HTR5A: variants seen among roughly 807,000 people sequenced by gnomAD.
HTR5A encodes the protein 5-HT-5.
Under a neutral mutation model 24.3 loss-of-function variants are expected in HTR5A, and 21 were observed. That is an observed-to-expected ratio of 0.86 (90% confidence interval 0.61 to 1.24). HTR5A has a LOEUF of 1.24. Ranked by LOEUF, HTR5A falls within the 50% of genes most tolerant of loss-of-function variation. HTR5A has a pLI of 0.00. For synonymous variants in HTR5A, 260 were observed against 213.7 expected, an observed-to-expected ratio of 1.22 and a Z score of -1.89; for missense variants, 497 against 489.5, an observed-to-expected ratio of 1.02 and a Z score of -0.15.
At position 155,070,368 on chromosome 7, in the gene HTR5A, G is replaced by T; in HGVS notation, c.-532G>T. ...TGCAGCCTCCGAAGGGGTGGCGGGG[G>T]CAACAGGGACAGAAGGCAGGTCCCA... On this transcript the variant is annotated 5_prime_UTR_variant, in exon 1 of 2. Transcript: ENST00000287907. 1 of 455,070 alleles carries T rather than the reference G, an allele frequency of 2.2e-6. No homozygotes were observed. The highest frequency in any genetic ancestry group is 4.4e-6 in the Non-Finnish European group (1 of 226,480). 28.2% of individuals were successfully genotyped at this position (455,070 alleles called of 1,614,324 possible).
rs1795284647 is a variant in HTR5A, at chr7:155,071,007, C to G, written c.108C>G (p.Leu36=). 1.9e-6 allele frequency: 3 copies of G among 1,611,998 alleles called. No individual in the cohort carries two copies. Among genetic ancestry groups the G allele is most frequent in the Non-Finnish European group, 8.5e-7 (1 of 1,180,040 alleles). ...KDDLRPSSPL[L]SVFGVLILTL... is the part of the protein sequence containing the mutation. ...ACCTGCGCCCCAGCTCGCCCCTGCT[C>G]TCGGTCTTCGGAGTGCTTATTCTCA... Residue 36 remains leucine (L), a synonymous_variant, in exon 1 of 2, where the codon CTC becomes CTG. Coordinates refer to ENST00000287907, the MANE Select transcript of HTR5A (RefSeq NM_024012.4).
intron 1 of HTR5A, chr7:155,077,158 C>A (rs915454781): frequency 3.3e-5 from 5 of 152,126 alleles, no homozygotes. Flanking sequence ...GGCATTCTCA[C>A]GTCAGATCAG....
intron 1 of HTR5A, among the ~76,000 whole-genome samples, chr7:155,082,727 T>C (rs1404931534): frequency 6.6e-6 from 1 of 152,182 alleles, no homozygotes; most frequent in African/African-American, 2.4e-5. Flanking sequence ...TTTCCCTCTT[T>C]CCTTTATGCT....
At chr7:155,078,546 C>T (rs1795382343) in intron 1 of HTR5A, among the ~76,000 whole-genome samples, 1 of 152,182 alleles carries the variant, frequency 6.6e-6, no homozygotes, top group African/African-American at 2.4e-5. Flanking sequence ...CTCCCAAGCT[C>T]AAGTAATCCT....
In HTR5A at chr7:155,085,203, G is replaced by C. The variant is rs182390129; in HGVS notation, c.*716G>C. On this transcript the variant is annotated 3_prime_UTR_variant, in exon 2 of 2. Coordinates refer to ENST00000287907, the MANE Select transcript of HTR5A (RefSeq NM_024012.4). ...CGTTGACATGAAACAGGCACTGAGG[G>C]TAACTACTTCCTTTCATTTTGAAGC... 6.6e-6 allele frequency: 1 copy of C among 152,306 alleles called. No individual in the cohort carries two copies. Among genetic ancestry groups the C allele is most frequent in the South Asian group, 2.1e-4 (1 of 4,828 alleles). 9.4% of individuals were successfully genotyped at this position (152,306 alleles called of 1,614,324 possible).
rs202038697 is a variant in HTR5A, at chr7:155,071,314, C to T, written c.415C>T (p.Arg139Cys). The change falls in exon 1 of 2, where the codon CGC becomes TGC. Residue 139 changes from arginine to cysteine, a missense_variant. Physicochemically the swap from Arg to Cys is radical, Grantham distance 180. Coordinates refer to ENST00000287907, the MANE Select transcript of HTR5A (RefSeq NM_024012.4). Reference sequence around the variant, plus strand: ...GAACGTGACGGCCATAGCCCTGGACCGCTACTGGTCCATCACGCGCCACAT... The same window carrying T: ...GAACGTGACGGCCATAGCCCTGGACTGCTACTGGTCCATCACGCGCCACAT... The part of the protein sequence containing the change: ...IWNVTAIALD[R>C]YWSITRHMEY... 3.7e-6 allele frequency: 6 copies of T among 1,611,740 alleles called. No individual in the cohort carries two copies. The Admixed American group carries it at 8.3e-5, about 22-fold the overall frequency.
chr7:155,075,000 T>C (rs1795345508), intron 1 of HTR5A, among the ~76,000 whole-genome samples: 1 of 152,190 alleles, frequency 6.6e-6, no homozygotes, highest in South Asian at 2.1e-4. Context: ...TAATCAAAGA[T>C]CTAGTTACTT....
intron 1 of HTR5A, among the ~76,000 whole-genome samples, chr7:155,083,882 CT>C (rs1229457321): frequency 1.3e-5 from 2 of 152,188 alleles, no homozygotes; most frequent in Non-Finnish European, 2.9e-5. Flanking sequence ...GCCACTGCCT[CT>C]GTTGAACAGA....
rs1244316097 is a variant in HTR5A, at chr7:155,085,030, TA to T, written c.*546del. 2 of 153,314 alleles carry T rather than the reference TA, an allele frequency of 1.3e-5. No individual in the cohort carries two copies. Among genetic ancestry groups the T allele is most frequent in the African/African-American group, 2.4e-5 (1 of 41,258 alleles). The allele number at this position is 153,314 out of a possible 1,614,324, so 9.5% of individuals were successfully genotyped here. A position where few individuals can be genotyped will look rare whatever the true frequency, so the allele number is the denominator to read the frequency against. ...CACAAAACACTGTCTCCAAATATAT[TA>T]AAGTATATAGTCCTATCCATGAGAG... is the stretch of plus-strand genomic sequence containing the variant. On this transcript the variant is annotated 3_prime_UTR_variant, in exon 2 of 2. Coordinates refer to ENST00000287907, the MANE Select transcript of HTR5A (RefSeq NM_024012.4).
chr7:155,075,662 C>T (rs878907299), intron 1 of HTR5A, among the ~76,000 whole-genome samples: 1 of 152,096 alleles, frequency 6.6e-6, no homozygotes, highest in Admixed American at 6.6e-5. Flanking sequence ...GATTGTTTTG[C>T]CTCTGTCTTA....
Position 155,071,643 on chromosome 7 carries a change from G to A in HTR5A, c.741+3G>A, listed in dbSNP as rs1795296891. On this transcript the variant is annotated splice_donor_region_variant and intron_variant, in intron 1 of 1. Transcript: ENST00000287907. ...CACCCATATCCGAAGCTGTGGAGGT[G>A]GGTATCTCAGCAATCCTTAAAAATA... is the stretch of plus-strand genomic sequence containing the variant. The A allele has an allele frequency of 6.2e-7, 1 of 1,612,634 alleles. No homozygotes were observed. Among genetic ancestry groups the A allele is most frequent in the East Asian group, 2.2e-5 (1 of 44,870 alleles).
At chr7:155,080,570 A>T (rs111746495) in intron 1 of HTR5A, among the ~76,000 whole-genome samples, 2 of 152,230 alleles carry the variant, frequency 1.3e-5, no homozygotes, top group Non-Finnish European at 2.9e-5. Context: ...GGGCGATGCC[A>T]CTACTGCTCA....
At position 155,070,748 on chromosome 7, in the gene HTR5A, G is replaced by A. The variant is rs901713482; in HGVS notation, c.-152G>A. ...ATCTCCAACGGATGCTCACTAGCAG[G>A]AAATTGGGGCCAAATTCACAGGCAC... On this transcript the variant is annotated 5_prime_UTR_variant, in exon 1 of 2. Coordinates refer to ENST00000287907, the MANE Select transcript of HTR5A (RefSeq NM_024012.4). 5.7e-5 allele frequency: 47 copies of A among 821,214 alleles called. 1 individual carries two copies. In the Admixed American group the frequency reaches 6.0e-4, roughly 10 times the overall value. The allele number at this position is 821,214 out of a possible 1,614,324, so 50.9% of individuals were successfully genotyped here. A position where few individuals can be genotyped will look rare whatever the true frequency, so the allele number is the denominator to read the frequency against.
intron 1 of HTR5A, among the ~76,000 whole-genome samples, chr7:155,072,259 C>T (rs980889813): frequency 3.3e-5 from 5 of 152,158 alleles, no homozygotes; most frequent in Non-Finnish European, 4.4e-5. Context: ...GCACTAGTCC[C>T]GGAGCCTGCA....
intron 1 of HTR5A, 56 bp from the exon 2 acceptor site, chr7:155,084,098 CA>C (rs1228697343): frequency 2.9e-6 from 4 of 1,395,370 alleles, no homozygotes; most frequent in Non-Finnish European, 3.9e-6. Flanking sequence ...TGTCCAGGCT[CA>C]GCCTAGCAGG....
At chr7:155,076,168 T>C (rs576497969) in intron 1 of HTR5A, among the ~76,000 whole-genome samples, 1 of 152,216 alleles carries the variant, frequency 6.6e-6, no homozygotes, top group Non-Finnish European at 1.5e-5. Context: ...CACATGGTCA[T>C]CTGTTTGTCC....
At chr7:155,080,731 A>G (rs1053507428) in intron 1 of HTR5A, among the ~76,000 whole-genome samples, 3 of 152,258 alleles carry the variant, frequency 2.0e-5, no homozygotes, top group Admixed American at 1.3e-4. Context: ...CACTCAGAGT[A>G]GCAGCAGGCT....
chr7:155,084,235 G>A lies in HTR5A; in HGVS notation c.822G>A (p.Thr274=), dbSNP rs572459769. The change falls in exon 2 of 2, where the codon ACG becomes ACA. Residue 274 remains threonine (T), a synonymous_variant. Transcript: ENST00000287907. The stretch of plus-strand genomic sequence containing the variant: ...TCACCTTCCAGCCAGAAGGGGACAC[G>A]TGGCGGGAGCAGAAGGAGCAGCGGG... The part of the protein sequence containing the change: ...ATVTFQPEGD[T]WREQKEQRAA... 1.1e-5 allele frequency: 18 copies of A among 1,614,160 alleles called. No homozygotes were observed. In the East Asian group the frequency reaches 2.2e-4, roughly 20 times the overall value.
intron 1 of HTR5A, among the ~76,000 whole-genome samples, chr7:155,075,156 A>G (rs576020556): frequency 5.1e-4 from 77 of 152,272 alleles, no homozygotes; most frequent in Non-Finnish European, 8.1e-4. Context: ...GCTAAAGAGC[A>G]CTCAGTCTTT....
Sources: allele counts gnomAD v4.1 joint callset (sites outside exome capture counted in the v4.1 genomes callset), GRCh38; gene constraint gnomAD v4.1.1; transcripts MANE v1.5; gene names NCBI Gene and HGNC (gene_info 2026-07-23, HGNC 2026-07-21).